PAN3: variants seen among roughly 807,000 people sequenced by gnomAD.
PAN3 encodes poly(A) specific ribonuclease subunit PAN3.
A neutral mutation model predicts 96.2 loss-of-function variants in PAN3; 19 were observed. That is an observed-to-expected ratio of 0.20 (90% CI 0.14 to 0.29). The LOEUF (loss-of-function observed/expected upper bound fraction) is 0.29, where lower values mean the gene tolerates loss of function less well. Among genes scored for constraint, PAN3 ranks in the 10% least tolerant of loss-of-function variants. PAN3 has a pLI of 1.00. For missense variants in PAN3, 882 were observed against 1,108.1 expected, an observed-to-expected ratio of 0.80 and a Z score of 2.90; for synonymous variants, 433 against 406.6, an observed-to-expected ratio of 1.06 and a Z score of -0.78.
rs1880627704 is a variant in PAN3, at chr13:28,215,467, G to A, written c.853-4764G>A. The stretch of plus-strand genomic sequence containing the variant: ...TGTTATGAATGTGTCTGTCAAAGAT[G>A]TTCGTTGGGGGAGTGTTGCTGTTGA... On this transcript the variant is annotated intron_variant, in intron 5 of 18. Coordinates refer to ENST00000380958, the MANE Select transcript of PAN3 (RefSeq NM_175854.8). 3.6e-5 allele frequency: 25 copies of A among 692,056 alleles called. 2 individuals carry two copies. In the South Asian group the frequency reaches 4.0e-4, roughly 11 times the overall value. 42.9% of individuals were successfully genotyped at this position (692,056 alleles called of 1,614,324 possible).
Position 28,156,510 on chromosome 13 carries a change from A to C in PAN3, c.430+17423A>C, listed in dbSNP as rs570984896. Among the ~76,000 whole-genome samples the C allele has an allele frequency of 5.9e-5, 9 of 152,328 alleles. 1 individual carries two copies. In the South Asian group the frequency reaches 1.7e-3, roughly 28 times the overall value. ...TAAAGAGCTGGTACAATTGCTACTG[A>C]AACTATTCAAAAAAATGGAAGAGGA... On this transcript the variant is annotated intron_variant, in intron 1 of 18. Transcript: ENST00000380958.
At chr13:28,262,664 C>G (rs1030630911) in intron 9 of PAN3, among the ~76,000 whole-genome samples, 3 of 152,022 alleles carry the variant, frequency 2.0e-5, no homozygotes, top group Admixed American at 2.0e-4. Flanking sequence ...GAAAATAAAC[C>G]TACCATCTAT....
At chr13:28,157,483 C>T (rs1649218063) in intron 1 of PAN3, among the ~76,000 whole-genome samples, 1 of 152,170 alleles carries the variant, frequency 6.6e-6, no homozygotes, top group South Asian at 2.1e-4. Context: ...CCAGAAGCTC[C>T]TAAATCTGAC....
At chr13:28,187,438 A>G (rs1876632815) in intron 4 of PAN3, among the ~76,000 whole-genome samples, 1 of 152,238 alleles carries the variant, frequency 6.6e-6, no homozygotes, top group Admixed American at 6.5e-5. Flanking sequence ...ACAAGGATAT[A>G]AGAAGTTGCA....
In PAN3 at chr13:28,256,390, G is replaced by C; in HGVS notation, c.1099G>C (p.Ala367Pro). The C allele has an allele frequency of 1.2e-6, 2 of 1,614,038 alleles. No homozygotes were observed. The highest frequency in any genetic ancestry group is 1.7e-6 in the Non-Finnish European group (2 of 1,179,944). ...AAGAAGAAGTCACACTCCAAATCCA[G>C]CAAGTTACATGGTGCCTTCTAGTGC... Reference protein sequence around the residue: ...PRRRSHTPNPASYMVPSSAST... With the variant: ...PRRRSHTPNPPSYMVPSSAST... Residue 367 changes from alanine to proline, a missense_variant, in exon 7 of 19, where the codon GCA becomes CCA. Physicochemically the swap from Ala to Pro is conservative, Grantham distance 27. Coordinates refer to ENST00000380958, the MANE Select transcript of PAN3 (RefSeq NM_175854.8).
chr13:28,287,765 G>C (rs1869172025), intron 17 of PAN3, among the ~76,000 whole-genome samples: 1 of 152,206 alleles, frequency 6.6e-6, no homozygotes. Flanking sequence ...AAATAGGAAT[G>C]CATAAGGGAT....
At chr13:28,243,305 A>G (rs1043208613) in intron 6 of PAN3, among the ~76,000 whole-genome samples, 4 of 152,236 alleles carry the variant, frequency 2.6e-5, no homozygotes, top group Non-Finnish European at 2.9e-5. Context: ...GGTTGAAGCA[A>G]ATATTCCAGA....
At chr13:28,239,705 G>A (rs1883464112) in intron 6 of PAN3, 1 of 1,267,244 alleles carries the variant, frequency 7.9e-7, no homozygotes, top group African/African-American at 1.5e-5. Context: ...GGGTCTGTTT[G>A]TTTAACTGAA....
intron 6 of PAN3, among the ~76,000 whole-genome samples, chr13:28,234,688 C>T (rs1255915131): frequency 6.6e-6 from 1 of 152,080 alleles, no homozygotes; most frequent in African/African-American, 2.4e-5. Flanking sequence ...CTTCTCTAGG[C>T]TTTTATGAAG....
intron 12 of PAN3, among the ~76,000 whole-genome samples, chr13:28,270,459 A>G (rs1009354857): frequency 6.6e-6 from 1 of 152,250 alleles, no homozygotes; most frequent in South Asian, 2.1e-4. Flanking sequence ...TTAAGTGGTT[A>G]CAGAAAAGAG....
At chr13:28,192,103 T>C (rs1318355644) in intron 4 of PAN3, among the ~76,000 whole-genome samples, 2 of 147,220 alleles carry the variant, frequency 1.4e-5, no homozygotes, top group Admixed American at 6.9e-5. Flanking sequence ...TGGAGTGCAG[T>C]GGCACCATCT....
intron 1 of PAN3, among the ~76,000 whole-genome samples, chr13:28,144,057 C>T (rs1326720022): frequency 6.6e-6 from 1 of 152,082 alleles, no homozygotes; most frequent in Non-Finnish European, 1.5e-5. Context: ...TCATTTCACT[C>T]ATTTAATATC....
chr13:28,248,356 G>T (rs1347034310), intron 6 of PAN3, among the ~76,000 whole-genome samples: 1 of 151,936 alleles, frequency 6.6e-6, no homozygotes, highest in Non-Finnish European at 1.5e-5. Flanking sequence ...ATATCACGTT[G>T]CCTACAAACA....
At chr13:28,173,125 T>G (rs1874514637) in intron 1 of PAN3, among the ~76,000 whole-genome samples, 1 of 152,204 alleles carries the variant, frequency 6.6e-6, no homozygotes, top group Non-Finnish European at 1.5e-5. Context: ...CAATGTGGCA[T>G]TATTAGGTTA....
chr13:28,193,377 C>G (rs1411484533), intron 4 of PAN3, among the ~76,000 whole-genome samples: 1 of 152,094 alleles, frequency 6.6e-6, no homozygotes, highest in African/African-American at 2.4e-5. Flanking sequence ...GATGAATTCC[C>G]TTTTTGAAAT....
At chr13:28,239,367 G>C (rs1161520857) in intron 6 of PAN3, among the ~76,000 whole-genome samples, 1 of 152,018 alleles carries the variant, frequency 6.6e-6, no homozygotes, top group African/African-American at 2.4e-5. Flanking sequence ...TGAAAACTTT[G>C]TTAGCTATTT....
intron 5 of PAN3, among the ~76,000 whole-genome samples, chr13:28,213,639 G>A (rs74799192): frequency 0.01 from 1,527 of 145,796 alleles, 21 homozygotes; most frequent in African/African-American, 0.037. Context: ...ATCAAAGAAG[G>A]TAAAAGGTAC....
rs1399890395 is a variant in PAN3 at position 28,213,357 on chromosome 13, A to G, written c.853-6874A>G. The stretch of plus-strand genomic sequence containing the variant: ...TCTGCAGAGGAGCTGGAGGATACTG[A>G]AAAACCACCGTAGTGATAGCTGATT... On this transcript the variant is annotated intron_variant, in intron 5 of 18. Transcript: ENST00000380958. 1.1e-4 allele frequency among the ~76,000 whole-genome samples: 17 copies of G among 152,274 alleles called. No individual in the cohort carries two copies. In the East Asian group the frequency reaches 3.1e-3, roughly 28 times the overall value.
rs76694503 is a variant in PAN3 at position 28,163,758 on chromosome 13, G to A, written c.431-10514G>A. The stretch of plus-strand genomic sequence containing the variant: ...TGTAACTGGAGGAGAAAGTTCAATC[G>A]TTATATGATTCTTGTAAAGATCTTA... On this transcript the variant is annotated intron_variant, in intron 1 of 18. Transcript: ENST00000380958. Among the ~76,000 whole-genome samples, 1,062 of 152,220 alleles carry A rather than the reference G, an allele frequency of 7.0e-3. 3 individuals are homozygous for A. Among genetic ancestry groups the A allele is most frequent in the Non-Finnish European group, 0.011 (724 of 68,018 alleles).
Sources: allele counts gnomAD v4.1 joint callset (sites outside exome capture counted in the v4.1 genomes callset), GRCh38; gene constraint gnomAD v4.1.1; transcripts MANE v1.5; gene names NCBI Gene and HGNC (gene_info 2026-07-23, HGNC 2026-07-21).